Variants in SYNE2 observed in about 807,000 individuals in gnomAD.
SYNE2 encodes the protein spectrin repeat containing nuclear envelope protein 2.
Under a neutral mutation model 856.3 loss-of-function variants are expected in SYNE2, and 431 were observed. The ratio of observed to expected loss-of-function variants is 0.50; its 90% confidence interval spans 0.47 to 0.55. The LOEUF (loss-of-function observed/expected upper bound fraction) is 0.55, where lower values mean the gene tolerates loss of function less well. SYNE2 is among the 20% of genes least tolerant of loss of function. The probability of loss-of-function intolerance (pLI) is 0.00; values close to 1 mark genes in which losing one functional copy is unlikely to be tolerated. For missense variants in SYNE2, 8,129 were observed against 8,023.2 expected (o/e 1.01, Z -0.50); for synonymous variants, 2,923 against 2,872.3 (o/e 1.02, Z -0.56).
chr14:63,931,916 C>G (rs746541176), intron 2 of SYNE2, among the ~76,000 whole-genome samples: 33 of 152,168 alleles, frequency 2.2e-4, no homozygotes, highest in South Asian at 2.1e-4. Flanking sequence ...TACCACCATG[C>G]CTGGCTCTAA....
chr14:63,980,945 T>C (rs2096580975), intron 15 of SYNE2, 41 bp from the exon 16 acceptor site: 9 of 1,362,286 alleles, frequency 6.6e-6, no homozygotes, highest in South Asian at 1.3e-5. Flanking sequence ...TAATAAAAAA[T>C]TGTTTTCTAA....
Position 63,909,230 on chromosome 14 carries a change from A to T in SYNE2, c.79+3A>T, listed in dbSNP as rs760448281. The T allele has an allele frequency of 6.2e-7, 1 of 1,607,776 alleles. No homozygotes were observed. The highest frequency in any genetic ancestry group is 8.5e-7 in the Non-Finnish European group (1 of 1,175,014). On this transcript the variant is annotated splice_donor_region_variant and intron_variant, in intron 2 of 115. Coordinates refer to ENST00000555002, the MANE Select transcript of SYNE2 (RefSeq NM_182914.3). ...CGATCTCCATATTTCATTGCAAGGT[A>T]ATTAAGATTGGGTGGGGGTAACACC...
At chr14:64,116,818 A>G (rs377142951) in intron 66 of SYNE2, among the ~76,000 whole-genome samples, 1 of 152,266 alleles carries the variant, frequency 6.6e-6, no homozygotes. Context: ...CAAAGGGGTA[A>G]CAAGAGGGAA....
At chr14:64,177,544 G>A (rs2098440624) in intron 96 of SYNE2, 61 bp downstream of exon 96, 2 of 1,605,870 alleles carry the variant, frequency 1.2e-6, no homozygotes, top group South Asian at 1.1e-5. Context: ...GTACTTTGAA[G>A]TGCTTCTTTG....
chr14:64,064,937 A>G (rs1381803764), intron 50 of SYNE2, among the ~76,000 whole-genome samples: 2 of 150,098 alleles, frequency 1.3e-5, no homozygotes, highest in Non-Finnish European at 3.0e-5. Flanking sequence ...GCTCACTGCA[A>G]CCCTGCAACC....
intron 95 of SYNE2, 27 bp from the exon 96 acceptor site, chr14:64,177,331 A>G: frequency 6.2e-7 from 1 of 1,613,962 alleles, no homozygotes; most frequent in Non-Finnish European, 8.5e-7. Context: ...CAAAATACTT[A>G]CCAGTTTTAA....
chr14:63,981,244 A>G (rs1221046215), intron 16 of SYNE2, 71 bp downstream of exon 16: 51 of 1,332,110 alleles, frequency 3.8e-5, no homozygotes, highest in Non-Finnish European at 5.3e-5. Flanking sequence ...CTCATTTTCA[A>G]TCCAAAGATG....
At chr14:64,198,817 A>C (rs76304847) in intron 99 of SYNE2, among the ~76,000 whole-genome samples, 3,167 of 152,260 alleles carry the variant, frequency 0.021, 60 homozygotes, top group Middle Eastern at 0.041. Context: ...TTAAAAATCT[A>C]ATTTGGCCAC....
chr14:64,108,581 T>C (rs61984145), intron 65 of SYNE2, among the ~76,000 whole-genome samples: 2,360 of 152,282 alleles, frequency 0.015, 28 homozygotes, highest in South Asian at 0.024. Flanking sequence ...ATAAAAGATA[T>C]TGGCATGTTT....
chr14:63,769,861 T>G (rs892610078), intron 1 of SYNE2, among the ~76,000 whole-genome samples: 6 of 151,912 alleles, frequency 3.9e-5, no homozygotes, highest in South Asian at 2.1e-4. Flanking sequence ...ATTGTGTCAC[T>G]GCACTCTAGC....
intron 23 of SYNE2, 75 bp downstream of exon 23, chr14:63,995,277 C>A: frequency 1.5e-6 from 2 of 1,365,260 alleles, no homozygotes; most frequent in Non-Finnish European, 2.1e-6. Flanking sequence ...GTATCTTTAG[C>A]CTAGGATGAA....
chr14:64,104,206 G>A (rs887956050), intron 64 of SYNE2, among the ~76,000 whole-genome samples: 12 of 152,108 alleles, frequency 7.9e-5, no homozygotes, highest in African/African-American at 2.9e-4. Context: ...AACTGCCATT[G>A]ACTTCTGGAG....
At chr14:63,876,453 T>G (rs1013490386) in intron 1 of SYNE2, among the ~76,000 whole-genome samples, 4 of 151,102 alleles carry the variant, frequency 2.6e-5, no homozygotes, top group Admixed American at 6.6e-5. Flanking sequence ...ACCATTATAT[T>G]TTTTTTAATT....
chr14:64,056,451 T>C (rs912642721), intron 49 of SYNE2, among the ~76,000 whole-genome samples, 185 bp downstream of exon 49: 5 of 151,740 alleles, frequency 3.3e-5, no homozygotes, highest in Non-Finnish European at 7.4e-5. Context: ...TAAAGAAAAC[T>C]CTGGTAAATA....
At chr14:64,074,216 T>C in intron 53 of SYNE2, 80 bp downstream of exon 53, 1 of 1,443,914 alleles carries the variant, frequency 6.9e-7, no homozygotes, top group Non-Finnish European at 9.7e-7. Context: ...TAGAGATAAC[T>C]CAGTGGCTGG....
chr14:63,974,916 ATG>A (rs1314675356), intron 11 of SYNE2, among the ~76,000 whole-genome samples: 1 of 85,490 alleles, frequency 1.2e-5, no homozygotes, highest in Non-Finnish European at 2.3e-5. Context: ...ATATATATAT[ATG>A]TATCTTGAGA....
At chr14:64,039,036 C>G (rs148915903) in intron 45 of SYNE2, among the ~76,000 whole-genome samples, 2 of 152,218 alleles carry the variant, frequency 1.3e-5, no homozygotes, top group African/African-American at 2.4e-5. Context: ...CCTTACGAGT[C>G]ACATTAACAT....
At chr14:63,796,619 C>G (rs564226745) in intron 1 of SYNE2, among the ~76,000 whole-genome samples, 2 of 152,076 alleles carry the variant, frequency 1.3e-5, no homozygotes, top group African/African-American at 2.4e-5. Context: ...AATGCTTTAT[C>G]AGTCTTCTAG....
intron 1 of SYNE2, among the ~76,000 whole-genome samples, chr14:63,816,592 G>A (rs1039685378): frequency 3.9e-5 from 6 of 152,110 alleles, no homozygotes; most frequent in Middle Eastern, 3.4e-3. Context: ...CCTAAAGCTC[G>A]TCATAAGACC....
Sources: gnomAD v4.1 joint callset for allele counts (sites outside exome capture counted in the v4.1 genomes callset) on GRCh38, gnomAD v4.1.1 for gene constraint, MANE v1.5 for transcripts, NCBI Gene and HGNC (gene_info 2026-07-23, HGNC 2026-07-21) for gene names.